The following NUP160 variants were observed in gnomAD, a reference collection of about 807,000 sequenced individuals.
NUP160 encodes the protein nuclear pore complex protein Nup160.
Under a neutral mutation model 196.9 loss-of-function variants are expected in NUP160, and 94 were observed. That is an observed-to-expected ratio of 0.48 (90% CI 0.40 to 0.57). The LOEUF is 0.57. Among genes scored for constraint, NUP160 ranks in the 20% least tolerant of loss-of-function variants. NUP160 has a pLI of 0.00. For missense variants in NUP160, 1,638 were observed against 1,748.3 expected, an observed-to-expected ratio of 0.94 and a Z score of 1.13; for synonymous variants, 605 against 619.7, an observed-to-expected ratio of 0.98 and a Z score of 0.35.
intron 23 of NUP160, among the ~76,000 whole-genome samples, chr11:47,800,240 CA>C (rs147655167): frequency 6.0e-5 from 7 of 116,080 alleles, no homozygotes; most frequent in African/African-American, 1.3e-4. Flanking sequence ...GACTCCGTCT[CA>C]AAAAAAAAAG....
chr11:47,779,446 T>C (rs1013536652), intron 35 of NUP160: 1 of 488,500 alleles, frequency 2.0e-6, no homozygotes, highest in African/African-American at 1.9e-5. Context: ...CGTACCAGTA[T>C]TTCTAATAAA....
intron 28 of NUP160, chr11:47,792,493 G>A (rs985258861): frequency 3.1e-5 from 9 of 290,210 alleles, no homozygotes; most frequent in Non-Finnish European, 5.7e-5. Flanking sequence ...GATATTATCC[G>A]TATTTTATGC....
At chr11:47,841,972 C>T (rs1852308186) in intron 2 of NUP160, among the ~76,000 whole-genome samples, 1 of 152,130 alleles carries the variant, frequency 6.6e-6, no homozygotes, top group Non-Finnish European at 1.5e-5. Flanking sequence ...GCTGGGATTA[C>T]AGGTGTGAGC....
At chr11:47,848,015 T>C in intron 1 of NUP160, 56 bp from the exon 2 acceptor site, 1 of 1,426,950 alleles carries the variant, frequency 7.0e-7, no homozygotes, top group Non-Finnish European at 9.9e-7. Flanking sequence ...TGACAGGGAC[T>C]AAGGGAGCTG....
chr11:47,786,633 T>G (rs868710847), intron 31 of NUP160, 79 bp from the exon 32 acceptor site: 3 of 854,494 alleles, frequency 3.5e-6, no homozygotes, highest in Non-Finnish European at 5.9e-6. Context: ...ACTAGAGAGA[T>G]AGATGACAAC....
intron 27 of NUP160, among the ~76,000 whole-genome samples, chr11:47,795,500 C>A (rs956941940): frequency 6.6e-6 from 1 of 152,092 alleles, no homozygotes; most frequent in Non-Finnish European, 1.5e-5. Context: ...TATGAATAAA[C>A]CCCATCTACT....
intron 31 of NUP160, among the ~76,000 whole-genome samples, chr11:47,787,280 G>C (rs949341213): frequency 2.6e-5 from 4 of 151,938 alleles, no homozygotes; most frequent in Non-Finnish European, 5.9e-5. Flanking sequence ...TAGAGATGGG[G>C]TTTCGTCATG....
chr11:47,819,070 T>C (rs28617307), intron 10 of NUP160, among the ~76,000 whole-genome samples: 88,006 of 151,772 alleles, frequency 0.58, 25,793 homozygotes, highest in Admixed American at 0.64. Context: ...TCCCAGCACT[T>C]TGGGAGGCCG....
intron 18 of NUP160, among the ~76,000 whole-genome samples, chr11:47,807,402 A>G (rs1401314796): frequency 6.6e-6 from 1 of 152,184 alleles, no homozygotes; most frequent in Admixed American, 6.6e-5. Flanking sequence ...GTGGTGGCTC[A>G]TGCCTGTAAT....
exon 18 of NUP160, chr11:47,808,509 C>T: frequency 6.2e-7 from 1 of 1,613,894 alleles, no homozygotes; most frequent in Non-Finnish European, 8.5e-7. Context: ...CTTGAAAGAG[C>T]TGACCAGTTC....
chr11:47,848,422 C>A (rs1852451468), exon 1 of NUP160: 3 of 1,555,972 alleles, frequency 1.9e-6, no homozygotes, highest in Non-Finnish European at 1.7e-6. Context: ...GTGAAGCATT[C>A]CGGGAGCAGA....
At chr11:47,801,752 T>C in intron 23 of NUP160, 59 bp downstream of exon 23, 1 of 1,466,396 alleles carries the variant, frequency 6.8e-7, no homozygotes, top group South Asian at 1.2e-5. Context: ...AGCAAAGCAA[T>C]GTATTTCAGA....
At chr11:47,806,969 C>G in intron 19 of NUP160, 101 bp downstream of exon 19, 2 of 806,510 alleles carry the variant, frequency 2.5e-6, no homozygotes, top group South Asian at 1.6e-5. Context: ...AGCAAAGAGC[C>G]TAGCCAACCT....
intron 27 of NUP160, among the ~76,000 whole-genome samples, chr11:47,795,572 G>A (rs1805010992): frequency 6.6e-6 from 1 of 152,144 alleles, no homozygotes; most frequent in African/African-American, 2.4e-5. Context: ...GTACAAAAAT[G>A]TTAGACATTC....
exon 32 of NUP160, chr11:47,786,460 C>G: frequency 6.2e-7 from 1 of 1,610,762 alleles, no homozygotes; most frequent in Non-Finnish European, 8.5e-7. Context: ...TACCTAGACT[C>G]CTTAGTAGTG....
chr11:47,793,722 G>GTTT (rs750497969), intron 27 of NUP160, among the ~76,000 whole-genome samples: 24 of 87,632 alleles, frequency 2.7e-4, no homozygotes, highest in African/African-American at 5.2e-4. Flanking sequence ...TAAGATATCT[G>GTTT]TTTTTTTTTT....
intron 6 of NUP160, among the ~76,000 whole-genome samples, chr11:47,836,012 C>T (rs1462375323): frequency 2.0e-5 from 3 of 152,086 alleles, no homozygotes; most frequent in South Asian, 2.1e-4. Context: ...TCTGGGAGGC[C>T]GAGGTGGGTG....
In NUP160 at chr11:47,835,823, T is replaced by TAG. The variant is rs57331076; in HGVS notation, c.943-16_943-15dup. On this transcript the variant is annotated splice_polypyrimidine_tract_variant and intron_variant, in intron 6 of 35. Transcript: ENST00000378460. ...GCACATTTGCTCCTGTCCAAGAAAATAGTTAATAGGTGATATTCAAGGGAT... is the reference window on the plus strand; with the variant it reads ...GCACATTTGCTCCTGTCCAAGAAAATAGAGTTAATAGGTGATATTCAAGGGAT... 5.5e-3 allele frequency: 8,545 copies of TAG among 1,558,178 alleles called. 107 individuals carry two copies. Among genetic ancestry groups the TAG allele is most frequent in the African/African-American group, 0.046 (3,368 of 73,190 alleles).
chr11:47,800,611 C>T (rs138016147), intron 23 of NUP160, among the ~76,000 whole-genome samples: 3,987 of 152,146 alleles, frequency 0.026, 161 homozygotes, highest in South Asian at 0.19. Context: ...AGGCTGGTCT[C>T]GAACTACTGA....
Sources: allele counts gnomAD v4.1 joint callset (sites outside exome capture counted in the v4.1 genomes callset), GRCh38; gene constraint gnomAD v4.1.1; transcripts MANE v1.5; gene names NCBI Gene and HGNC (gene_info 2026-07-23, HGNC 2026-07-21).